The following CORIN variants were observed in gnomAD, a reference collection of about 807,000 sequenced individuals.
CORIN encodes corin, serine peptidase.
A neutral mutation model predicts 125.3 loss-of-function variants in CORIN; 117 were observed. The observed-to-expected ratio is 0.93, with a 90% CI of 0.80 to 1.09. CORIN has a LOEUF of 1.09. Ranked by LOEUF, CORIN falls within the 50% of genes least tolerant of loss-of-function variation. CORIN has a pLI of 0.00. For synonymous variants in CORIN, 450 were observed against 466.4 expected, an observed-to-expected ratio of 0.96 and a Z score of 0.45; for missense variants, 1,253 against 1,306.7, an observed-to-expected ratio of 0.96 and a Z score of 0.63.
chr4:47,714,994 T>C (rs1038899416), intron 5 of CORIN, among the ~76,000 whole-genome samples: 4 of 152,198 alleles, frequency 2.6e-5, no homozygotes, highest in Non-Finnish European at 5.9e-5. Flanking sequence ...ATTATTTTAT[T>C]ACTTAGTAGC....
intron 5 of CORIN, among the ~76,000 whole-genome samples, chr4:47,743,676 G>A (rs768906339): frequency 2.0e-5 from 3 of 152,222 alleles, no homozygotes; most frequent in Non-Finnish European, 4.4e-5. Context: ...CACGACATAA[G>A]GAGTTCAAGA....
At chr4:47,745,484 G>A (rs1340268808) in intron 4 of CORIN, among the ~76,000 whole-genome samples, 4 of 152,214 alleles carry the variant, frequency 2.6e-5, no homozygotes, top group East Asian at 3.8e-4. Context: ...TCACAGAATC[G>A]TACAATATTA....
chr4:47,623,516 C>G, intron 19 of CORIN, 55 bp downstream of exon 19: 1 of 1,569,394 alleles, frequency 6.4e-7, no homozygotes, highest in East Asian at 2.3e-5. Flanking sequence ...TGAGAATTCC[C>G]GAGTGACAAA....
intron 1 of CORIN, among the ~76,000 whole-genome samples, chr4:47,828,376 C>A (rs192489328): frequency 6.6e-6 from 1 of 152,218 alleles, no homozygotes; most frequent in East Asian, 1.9e-4. Context: ...TACTCCCCAA[C>A]CTCCTGGGAG....
chr4:47,772,153 C>T (rs936401996), intron 3 of CORIN, among the ~76,000 whole-genome samples: 1 of 152,028 alleles, frequency 6.6e-6, no homozygotes, highest in African/African-American at 2.4e-5. Context: ...TTCCTAAACG[C>T]ACCTTCATAC....
At chr4:47,835,713 G>A (rs781269611) in intron 1 of CORIN, among the ~76,000 whole-genome samples, 1 of 152,166 alleles carries the variant, frequency 6.6e-6, no homozygotes, top group Non-Finnish European at 1.5e-5. Flanking sequence ...TGGAGAATGT[G>A]ACCCTTCCAA....
At chr4:47,757,983 A>G (rs1729263841) in intron 4 of CORIN, among the ~76,000 whole-genome samples, 1 of 150,570 alleles carries the variant, frequency 6.6e-6, no homozygotes, top group Non-Finnish European at 1.5e-5. Flanking sequence ...GCACGATCTC[A>G]GCTCACTGCA....
chr4:47,789,050 C>T (rs1211474990), intron 2 of CORIN, among the ~76,000 whole-genome samples: 3 of 152,180 alleles, frequency 2.0e-5, no homozygotes, highest in Non-Finnish European at 4.4e-5. Flanking sequence ...TGCCTGTAAT[C>T]CCAGCACTTT....
At chr4:47,747,613 T>A (rs1000201715) in intron 4 of CORIN, among the ~76,000 whole-genome samples, 1 of 152,192 alleles carries the variant, frequency 6.6e-6, no homozygotes, top group Admixed American at 6.5e-5. Flanking sequence ...CAGCAGACTG[T>A]TTTCAAGTTC....
intron 5 of CORIN, among the ~76,000 whole-genome samples, chr4:47,698,771 C>A (rs1726153640): frequency 6.6e-6 from 1 of 152,156 alleles, no homozygotes; most frequent in African/African-American, 2.4e-5. Flanking sequence ...CACGTAACAA[C>A]ATTTTTCTTA....
At chr4:47,826,473 CAG>C (rs1355269330) in intron 1 of CORIN, among the ~76,000 whole-genome samples, 3 of 152,198 alleles carry the variant, frequency 2.0e-5, no homozygotes, top group Non-Finnish European at 2.9e-5. Context: ...TGAAGGCTCT[CAG>C]GGGAAAATCT....
chr4:47,696,268 G>A (rs1245813951), intron 5 of CORIN, among the ~76,000 whole-genome samples: 2 of 152,178 alleles, frequency 1.3e-5, no homozygotes, highest in Non-Finnish European at 2.9e-5. Context: ...GACAAAGGGA[G>A]ATTCCATGAG....
Position 47,683,820 on chromosome 4 carries a change from A to T in CORIN, c.932T>A (p.Phe311Tyr). Residue 311 changes from phenylalanine (F) to tyrosine (Y), a missense_variant, in exon 7 of 22, where the codon TTT (phenylalanine) becomes TAT (tyrosine). By Grantham distance (22) the Phe-to-Tyr change is conservative (BLOSUM62 3). Transcript: ENST00000273857. ...AAGGCACTTGCCTGTGTGACAGTGAAACAGATTCTCGCTGCAGTCTGCAAA... is the reference window on the plus strand; with the variant it reads ...AAGGCACTTGCCTGTGTGACAGTGATACAGATTCTCGCTGCAGTCTGCAAA... The part of the protein sequence containing the change: ...EAHCNCSENL[F>Y]HCHTGKCLNY... 1.9e-6 allele frequency: 3 copies of T among 1,613,070 alleles called. No homozygotes were observed. The highest frequency in any genetic ancestry group is 2.5e-6 in the Non-Finnish European group (3 of 1,179,600).
At position 47,674,418 on chromosome 4, in the gene CORIN, G is replaced by A; in HGVS notation, c.1332C>T (p.Asp444=). 3.1e-6 allele frequency: 5 copies of A among 1,613,386 alleles called. No homozygotes were observed. The highest frequency in any genetic ancestry group is 4.2e-6 in the Non-Finnish European group (5 of 1,179,308). Residue 444 remains aspartate (D), a synonymous_variant, in exon 10 of 22, where the codon GAC becomes GAT. Transcript: ENST00000273857. ...TACAGTTATTCAGACTGTTGTTCGG[G>A]TCACAGAGAGAGCTACCACCACATG... The part of the protein sequence containing the change: ...LDSCGGSSLC[D]PNNSLNNCSQ...
rs370891199 is a variant in CORIN at position 47,595,703 on chromosome 4, C to G, written c.*18G>C. On this transcript the variant is annotated 3_prime_UTR_variant, in exon 22 of 22. Transcript: ENST00000273857. ...TTCTTTTAGTGTAGCTGGCAAAAGT[C>G]TCTGATCATCCTTATAATTAGTTTA... The G allele has an allele frequency of 1.3e-6, 2 of 1,576,300 alleles. No homozygotes were observed. The highest frequency in any genetic ancestry group is 1.7e-6 in the Non-Finnish European group (2 of 1,164,166).
At chr4:47,657,121 A>G (rs570778662) in intron 12 of CORIN, among the ~76,000 whole-genome samples, 1 of 152,328 alleles carries the variant, frequency 6.6e-6, no homozygotes, top group South Asian at 2.1e-4. Context: ...CACTGATGAA[A>G]CAAATTAAAG....
chr4:47,707,224 A>G (rs1324626535), intron 5 of CORIN, among the ~76,000 whole-genome samples: 1 of 152,236 alleles, frequency 6.6e-6, no homozygotes, highest in African/African-American at 2.4e-5. Context: ...ATGTTAGTGT[A>G]TAAAACATAC....
intron 1 of CORIN, among the ~76,000 whole-genome samples, chr4:47,836,979 C>T (rs1202260396): frequency 6.6e-6 from 1 of 152,226 alleles, no homozygotes; most frequent in South Asian, 2.1e-4. Context: ...CTAATGACAC[C>T]GAAGGAGAGG....
chr4:47,772,096 G>GATAC (rs1416154311), intron 3 of CORIN, among the ~76,000 whole-genome samples: 1 of 151,834 alleles, frequency 6.6e-6, no homozygotes, highest in Non-Finnish European at 1.5e-5. Flanking sequence ...TAGATAGATA[G>GATAC]ATAGATAGAT....
Sources: allele counts gnomAD v4.1 joint callset (sites outside exome capture counted in the v4.1 genomes callset), GRCh38; gene constraint gnomAD v4.1.1; transcripts MANE v1.5; gene names NCBI Gene and HGNC (gene_info 2026-07-23, HGNC 2026-07-21).